Variants in MAP3K15 observed in about 807,000 individuals in gnomAD.
MAP3K15 encodes MAPK/ERK kinase kinase 15.
Under a neutral mutation model 99.5 loss-of-function variants are expected in MAP3K15, and 124 were observed. That is an observed-to-expected ratio of 1.25 (90% CI 1.08 to 1.45). The LOEUF (loss-of-function observed/expected upper bound fraction) is 1.45. MAP3K15 is among the 40% of genes most tolerant of loss of function. The pLI is 0.00. For missense variants in MAP3K15, 1,242 were observed against 1,079.7 expected, an observed-to-expected ratio of 1.15 and a Z score of -2.11; for synonymous variants, 494 against 439.6, an observed-to-expected ratio of 1.12 and a Z score of -1.55.
chrX:19,361,025 G>A, intron 28 of MAP3K15, 192 bp from the exon 29 acceptor site: 2 of 423,092 alleles, frequency 4.7e-6, no homozygotes, highest in East Asian at 7.8e-5. Flanking sequence ...TATTTCAAAT[G>A]ACTCGGGAAC....
intron 1 of MAP3K15, among the ~76,000 whole-genome samples, chrX:19,490,123 G>A (rs1189655010): frequency 1.0e-5 from 1 of 99,360 alleles, no homozygotes; most frequent in Non-Finnish European, 2.0e-5. Flanking sequence ...AATACGTACA[G>A]GCATGTATAG....
chrX:19,484,114 G>T (rs958374726), intron 3 of MAP3K15, among the ~76,000 whole-genome samples: 3 of 111,686 alleles, frequency 2.7e-5, no homozygotes, highest in African/African-American at 9.8e-5. Context: ...TAGAGCAGGG[G>T]TCCCCAACCC....
chrX:19,424,766 C>A (rs780277541), intron 9 of MAP3K15, among the ~76,000 whole-genome samples: 1 of 110,432 alleles, frequency 9.1e-6, no homozygotes, highest in East Asian at 2.8e-4. Flanking sequence ...CTACCTCTGC[C>A]TTCCCGAGTA....
intron 25 of MAP3K15, among the ~76,000 whole-genome samples, chrX:19,368,809 G>A (rs2063353231): frequency 9.2e-6 from 1 of 109,237 alleles, no homozygotes. Flanking sequence ...GTGGTCTGGG[G>A]CAAGGTACTA....
intron 6 of MAP3K15, among the ~76,000 whole-genome samples, chrX:19,455,987 G>A (rs1377138713): frequency 9.0e-6 from 1 of 110,830 alleles, no homozygotes; most frequent in Non-Finnish European, 1.9e-5. Flanking sequence ...AATGAAGACT[G>A]GCCGTCATTC....
At chrX:19,456,450 C>G (rs2064093538) in intron 6 of MAP3K15, among the ~76,000 whole-genome samples, 1 of 112,232 alleles carries the variant, frequency 8.9e-6, no homozygotes, top group Non-Finnish European at 1.9e-5. Flanking sequence ...GAGGCTGTAA[C>G]AGTGGTCACC....
At chrX:19,405,934 T>C (rs1048686785) in intron 13 of MAP3K15, among the ~76,000 whole-genome samples, 12 of 112,406 alleles carry the variant, frequency 1.1e-4, no homozygotes, top group Admixed American at 9.5e-4. Flanking sequence ...ATTTTTTTAA[T>C]TGGACTAAGA....
intron 9 of MAP3K15, among the ~76,000 whole-genome samples, chrX:19,422,083 GA>G (rs1246257299): frequency 2.1e-4 from 23 of 110,135 alleles, no homozygotes; most frequent in African/African-American, 5.7e-4. Context: ...AACCCTAGAA[GA>G]AAACCTAGGC....
intron 9 of MAP3K15, among the ~76,000 whole-genome samples, chrX:19,420,948 T>C (rs1264220497): frequency 9.0e-6 from 1 of 111,355 alleles, no homozygotes; most frequent in Non-Finnish European, 1.9e-5. Context: ...ATTATCTCAA[T>C]AGATGCAGAA....
At chrX:19,486,217 C>G (rs763298787) in intron 3 of MAP3K15, among the ~76,000 whole-genome samples, 1 of 111,677 alleles carries the variant, frequency 9.0e-6, no homozygotes, top group South Asian at 3.7e-4. Flanking sequence ...AAGGTTACAG[C>G]TCAAAGTCCC....
intron 7 of MAP3K15, among the ~76,000 whole-genome samples, chrX:19,430,065 C>T (rs1207438411): frequency 8.9e-6 from 1 of 112,044 alleles, no homozygotes; most frequent in Middle Eastern, 4.2e-3. Context: ...CCACAAATTC[C>T]TCCCATCGCA....
intron 13 of MAP3K15, among the ~76,000 whole-genome samples, chrX:19,401,773 A>T (rs776305402): frequency 8.9e-6 from 1 of 112,119 alleles, no homozygotes; most frequent in African/African-American, 3.2e-5. Flanking sequence ...ATTTGGATAC[A>T]AGTCATCTTG....
chrX:19,478,610 A>G (rs941140510), intron 3 of MAP3K15, among the ~76,000 whole-genome samples: 1 of 110,573 alleles, frequency 9.0e-6, no homozygotes, highest in Non-Finnish European at 1.9e-5. Flanking sequence ...TTTTCAAAGA[A>G]TTTCTAATTT....
At position 19,361,746 on chromosome X, in the gene MAP3K15, A is replaced by G. The variant is rs1205324203; in HGVS notation, c.3680-153T>C. On this transcript the variant is annotated intron_variant, in intron 26 of 28. Transcript: ENST00000338883. ...ACTGAACCACGCTAATACGTATTAC[A>G]CAATTCATAATTCTGAGATTCACTT... The G allele has an allele frequency of 1.3e-5, 5 of 393,781 alleles. No individual in the cohort carries two copies. The East Asian group carries it at 1.7e-4, about 13-fold the overall frequency. 32.5% of individuals were successfully genotyped at this position (393,781 alleles called of 1,213,427 possible). A position where few individuals can be genotyped will look rare whatever the true frequency, so the allele number is the denominator to read the frequency against.
At position 19,425,335 on chromosome X, in the gene MAP3K15, G is replaced by A. The variant is rs1308919525; in HGVS notation, c.1439+196C>T. Among the ~76,000 whole-genome samples the A allele has an allele frequency of 5.4e-5, 6 of 111,826 alleles. No homozygotes were observed. The Admixed American group carries it at 5.7e-4, about 11-fold the overall frequency. On this transcript the variant is annotated intron_variant, in intron 9 of 28. Coordinates refer to ENST00000338883, the MANE Select transcript of MAP3K15 (RefSeq NM_001001671.4). ...AAGGCCTAATCTCAGGGGTGGAGCAGGCAGGGATATATTCTGTGTGGATCT... is the reference window on the plus strand; with the variant it reads ...AAGGCCTAATCTCAGGGGTGGAGCAAGCAGGGATATATTCTGTGTGGATCT...
intron 6 of MAP3K15, among the ~76,000 whole-genome samples, chrX:19,434,224 G>A (rs945060044): frequency 1.9e-5 from 2 of 103,918 alleles, no homozygotes; most frequent in African/African-American, 7.6e-5. Context: ...TTGGTAATAG[G>A]TTTTTTTTGT....
intron 6 of MAP3K15, among the ~76,000 whole-genome samples, chrX:19,445,949 AAAATCAAT>A (rs1409366629): frequency 2.1e-4 from 21 of 100,073 alleles, no homozygotes; most frequent in South Asian, 1.4e-3. Context: ...CTCCATCTCA[AAAATCAAT>A]AAATAAATAA....
At chrX:19,377,482 T>A (rs2063427600) in intron 19 of MAP3K15, among the ~76,000 whole-genome samples, 1 of 110,549 alleles carries the variant, frequency 9.0e-6, no homozygotes. Context: ...AGGCAGAGGC[T>A]GCAGTGAGCC....
At chrX:19,406,412 C>T (rs757067871) in intron 13 of MAP3K15, among the ~76,000 whole-genome samples, 9 of 112,317 alleles carry the variant, frequency 8.0e-5, no homozygotes, top group Admixed American at 1.9e-4. Flanking sequence ...AGTACTGATA[C>T]GTGTTACACA....
Sources: allele counts gnomAD v4.1 joint callset (sites outside exome capture counted in the v4.1 genomes callset), GRCh38; gene constraint gnomAD v4.1.1; transcripts MANE v1.5; gene names NCBI Gene and HGNC (gene_info 2026-07-23, HGNC 2026-07-21).